The following FARS2 variants were observed in gnomAD, a reference collection of about 807,000 sequenced individuals.
The protein encoded by FARS2 is phenylalanyl-tRNA synthetase 2, mitochondrial, also known as phenylalanine--tRNA ligase, mitochondrial.
In FARS2, 40 loss-of-function variants were observed where a neutral mutation model predicts 46.4. The observed-to-expected ratio is 0.86, with a 90% CI of 0.67 to 1.12. The LOEUF is 1.12. FARS2 is among the 50% of genes most tolerant of loss of function. The pLI, the probability that FARS2 is intolerant of heterozygous loss-of-function variation, is 0.00. For missense variants in FARS2, 513 were observed against 567.9 expected (o/e 0.90, Z 0.98); for synonymous variants, 234 against 214.9 (o/e 1.09, Z -0.78).
At chr6:5,655,516 C>T (rs1777567087) in intron 6 of FARS2, among the ~76,000 whole-genome samples, 1 of 152,218 alleles carries the variant, frequency 6.6e-6, no homozygotes, top group Non-Finnish European at 1.5e-5. Flanking sequence ...CTGGCACCTT[C>T]TGGAGGCTCT....
intron 6 of FARS2, among the ~76,000 whole-genome samples, chr6:5,753,381 C>T (rs1196931869): frequency 3.3e-5 from 5 of 152,188 alleles, no homozygotes; most frequent in African/African-American, 1.2e-4. Flanking sequence ...CTGCTCCGTG[C>T]CTGCCAACAA....
At chr6:5,562,023 G>A (rs1440924835) in intron 5 of FARS2, among the ~76,000 whole-genome samples, 1 of 151,904 alleles carries the variant, frequency 6.6e-6, no homozygotes, top group Non-Finnish European at 1.5e-5. Flanking sequence ...AAAAATGGTT[G>A]TTACTTTGTT....
chr6:5,460,632 G>T (rs1224354304), intron 4 of FARS2, among the ~76,000 whole-genome samples: 1 of 152,124 alleles, frequency 6.6e-6, no homozygotes, highest in Non-Finnish European at 1.5e-5. Flanking sequence ...TGCTGTAGCT[G>T]CAGTCCAAGG....
At chr6:5,262,018 G>A (rs866732562) in intron 1 of FARS2, among the ~76,000 whole-genome samples, 2 of 152,198 alleles carry the variant, frequency 1.3e-5, no homozygotes, top group African/African-American at 4.8e-5. Context: ...GCCAGTCCTA[G>A]TTACTGTGTT....
At chr6:5,708,287 C>G (rs1292103129) in intron 6 of FARS2, among the ~76,000 whole-genome samples, 1 of 152,164 alleles carries the variant, frequency 6.6e-6, no homozygotes, top group Non-Finnish European at 1.5e-5. Flanking sequence ...CTAAATCTTG[C>G]ATTGGATGGA....
At chr6:5,304,218 T>A (rs974610793) in intron 1 of FARS2, among the ~76,000 whole-genome samples, 1 of 152,260 alleles carries the variant, frequency 6.6e-6, no homozygotes, top group African/African-American at 2.4e-5. Flanking sequence ...CAGTGGCTTT[T>A]CATAGTTGTA....
intron 5 of FARS2, among the ~76,000 whole-genome samples, chr6:5,592,881 G>A (rs1773994790): frequency 6.6e-6 from 1 of 152,204 alleles, no homozygotes; most frequent in Non-Finnish European, 1.5e-5. Context: ...CAGGCCTCTT[G>A]AAGTCACAGC....
chr6:5,548,190 CCTGAGTTG>C (rs1446262672), intron 5 of FARS2, among the ~76,000 whole-genome samples: 3 of 152,180 alleles, frequency 2.0e-5, no homozygotes, highest in Admixed American at 2.0e-4. Flanking sequence ...ATTACCTCCA[CCTGAGTTG>C]CTCCCACAAC....
At chr6:5,263,015 G>A (rs921635261) in intron 1 of FARS2, among the ~76,000 whole-genome samples, 4 of 152,062 alleles carry the variant, frequency 2.6e-5, no homozygotes, top group Non-Finnish European at 5.9e-5. Flanking sequence ...AATGATATGC[G>A]GCACCTCAAA....
chr6:5,567,219 T>C (rs148840703), intron 5 of FARS2, among the ~76,000 whole-genome samples: 2 of 152,372 alleles, frequency 1.3e-5, no homozygotes, highest in East Asian at 1.9e-4. Context: ...TGGTGTGAGG[T>C]GGTATCTCAT....
intron 6 of FARS2, among the ~76,000 whole-genome samples, chr6:5,759,408 T>A (rs1206433209): frequency 6.6e-6 from 1 of 152,222 alleles, no homozygotes; most frequent in Non-Finnish European, 1.5e-5. Context: ...TCTCCTATGC[T>A]AGACTGTGGA....
At chr6:5,554,842 A>ACCAGCCTGGGCAACATAGAGAGACCCC in intron 5 of FARS2, among the ~76,000 whole-genome samples, 1 of 152,204 alleles carries the variant, frequency 6.6e-6, no homozygotes, top group African/African-American at 2.4e-5. Context: ...ATATTGAACT[A>ACCAGCCTGGGCAACATAGAGAGACCCC]GTAAGCTGTT....
intron 3 of FARS2, among the ~76,000 whole-genome samples, chr6:5,408,948 A>G (rs2032986): frequency 0.53 from 80,522 of 152,038 alleles, 21,813 homozygotes; most frequent in African/African-American, 0.65. Flanking sequence ...TATAGATTAT[A>G]TAAGCTGTCC....
At chr6:5,376,946 G>A (rs1561995739) in intron 2 of FARS2, among the ~76,000 whole-genome samples, 1 of 152,122 alleles carries the variant, frequency 6.6e-6, no homozygotes, top group African/African-American at 2.4e-5. Context: ...TGGAAGGAGG[G>A]TGAATGAGAT....
At chr6:5,759,839 A>ATGGACCTTAT (rs1267553694) in intron 6 of FARS2, among the ~76,000 whole-genome samples, 1 of 152,238 alleles carries the variant, frequency 6.6e-6, no homozygotes, top group Non-Finnish European at 1.5e-5. Context: ...AAGGCCTGGC[A>ATGGACCTTAT]GAAAGAGCTC....
At chr6:5,264,509 T>C (rs1765412684) in intron 1 of FARS2, among the ~76,000 whole-genome samples, 1 of 151,574 alleles carries the variant, frequency 6.6e-6, no homozygotes, top group Admixed American at 6.6e-5. Flanking sequence ...TTTTTTTTTT[T>C]TGAGACAGAG....
At chr6:5,584,861 G>C (rs1202298178) in intron 5 of FARS2, among the ~76,000 whole-genome samples, 1 of 152,210 alleles carries the variant, frequency 6.6e-6, no homozygotes, top group African/African-American at 2.4e-5. Context: ...ATTTGCCAGA[G>C]AGTGGGGAGA....
At chr6:5,423,468 G>A (rs903744478) in intron 3 of FARS2, among the ~76,000 whole-genome samples, 2 of 152,018 alleles carry the variant, frequency 1.3e-5, no homozygotes, top group African/African-American at 4.8e-5. Flanking sequence ...GTGTGAAACT[G>A]CACTTGCACA....
intron 6 of FARS2, among the ~76,000 whole-genome samples, chr6:5,747,207 C>G (rs139481299): frequency 6.6e-6 from 1 of 152,300 alleles, no homozygotes; most frequent in Non-Finnish European, 1.5e-5. Flanking sequence ...CAGGCGAGAG[C>G]CAGATCACAT....
Sources: gnomAD v4.1 joint callset for allele counts (sites outside exome capture counted in the v4.1 genomes callset) on GRCh38, gnomAD v4.1.1 for gene constraint, MANE v1.5 for transcripts, NCBI Gene and HGNC (gene_info 2026-07-23, HGNC 2026-07-21) for gene names.